Variants in NETO1 observed in about 807,000 individuals in gnomAD.
NETO1 encodes the protein neuropilin and tolloid like 1, also known as neuropilin and tolloid-like protein 1.
A neutral mutation model predicts 61.3 loss-of-function variants in NETO1; 26 were observed. That is an observed-to-expected ratio of 0.42 (90% CI 0.31 to 0.59). The LOEUF (loss-of-function observed/expected upper bound fraction) is 0.59. Among genes scored for constraint, NETO1 ranks in the 20% least tolerant of loss-of-function variants. NETO1 has a pLI of 0.12. For synonymous variants in NETO1, 225 were observed against 225.8 expected, an observed-to-expected ratio of 1.00 and a Z score of 0.03; for missense variants, 531 against 662.8, an observed-to-expected ratio of 0.80 and a Z score of 2.18.
intron 4 of NETO1, among the ~76,000 whole-genome samples, chr18:72,808,419 T>TGTGTGTG: frequency 7.0e-6 from 1 of 141,928 alleles, no homozygotes; most frequent in Non-Finnish European, 1.5e-5. Flanking sequence ...CACTGCAGAT[T>TGTGTGTG]TGTGTGTGTG....
chr18:72,816,051 A>C (rs1008290277), intron 4 of NETO1, among the ~76,000 whole-genome samples: 9 of 144,512 alleles, frequency 6.2e-5, no homozygotes, highest in African/African-American at 7.7e-5. Flanking sequence ...ATTAGGATCG[A>C]TCTCTCTCTC....
chr18:72,864,814 T>C lies in NETO1; in HGVS notation c.214A>G (p.Ile72Val), dbSNP rs746356104. ...TGGCACTGTCTCCCCTTACCTTCTA[T>C]GATGTAGATGCATTCCCGGTCAGGG... is the stretch of plus-strand genomic sequence containing the variant. ...YPPDRECIYI[I>V]EAAPRQCIEL... Residue 72 changes from isoleucine (I) to valine (V), a missense_variant, in exon 3 of 11, where the codon ATA (isoleucine) becomes GTA (valine). Physicochemically the swap from Ile to Val is conservative, Grantham distance 29 (BLOSUM62 3). Transcript: ENST00000327305. 2.5e-6 allele frequency: 4 copies of C among 1,613,658 alleles called. No individual in the cohort carries two copies. Among genetic ancestry groups the C allele is most frequent in the African/African-American group, 1.3e-5 (1 of 74,908 alleles).
intron 3 of NETO1, among the ~76,000 whole-genome samples, chr18:72,862,923 C>G (rs919217788): frequency 5.3e-5 from 8 of 152,052 alleles, no homozygotes; most frequent in African/African-American, 1.9e-4. Flanking sequence ...TCTGGCGATC[C>G]AGTTTCTTAA....
rs75710774 is a variant in NETO1, at chr18:72,830,760, T to C, written c.469+28066A>G. Among the ~76,000 whole-genome samples the C allele has an allele frequency of 0.016, 2,457 of 152,264 alleles. 54 individuals are homozygous for C. The highest frequency in any genetic ancestry group is 0.055 in the African/African-American group (2,266 of 41,546). On this transcript the variant is annotated intron_variant, in intron 4 of 10. Transcript: ENST00000327305. This position sits in a 1 kb window ranked among gnomAD's most constrained non-coding sequence, Gnocchi z 4.9. ...ACTTTGACTGCATTTTCCCTCAAAT[T>C]CACCATCTCCTCTTTCTTAATCCTT...
chr18:72,830,992 A>AG lies in NETO1; in HGVS notation c.469+27833dup. On this transcript the variant is annotated intron_variant, in intron 4 of 10. Transcript: ENST00000327305. This position sits in a 1 kb window ranked among gnomAD's most constrained non-coding sequence, Gnocchi z 4.9. ...GATGAGGTATACTATTACCTCATCAAGGTAACAGAATATGTCTCTTCCTCT... is the reference window on the plus strand; with the variant it reads ...GATGAGGTATACTATTACCTCATCAAGGGTAACAGAATATGTCTCTTCCTCT... 6.6e-6 allele frequency among the ~76,000 whole-genome samples: 1 copy of AG among 152,246 alleles called. No individual in the cohort carries two copies. Among genetic ancestry groups the AG allele is most frequent in the Non-Finnish European group, 1.5e-5 (1 of 68,024 alleles).
chr18:72,832,064 T>G (rs8090574), intron 4 of NETO1, among the ~76,000 whole-genome samples: 2,546 of 152,306 alleles, frequency 0.017, 67 homozygotes, highest in African/African-American at 0.059. Flanking sequence ...AAGTAGGATA[T>G]AAATAGTGTC....
At chr18:72,821,675 C>T (rs966367039) in intron 4 of NETO1, among the ~76,000 whole-genome samples, 8 of 151,576 alleles carry the variant, frequency 5.3e-5, no homozygotes, top group African/African-American at 1.9e-4. Context: ...CAAAACAATA[C>T]TCATTGCATA....
chr18:72,750,767 A>C, intron 8 of NETO1, 147 bp from the exon 9 acceptor site: 1 of 586,292 alleles, frequency 1.7e-6, no homozygotes, highest in African/African-American at 1.9e-5. Context: ...TAACTTAAGA[A>C]AATATTTAAA....
intron 4 of NETO1, among the ~76,000 whole-genome samples, chr18:72,806,976 G>A (rs2072694349): frequency 6.6e-6 from 1 of 152,162 alleles, no homozygotes; most frequent in Non-Finnish European, 1.5e-5. Context: ...AAACCAGAGT[G>A]TTTGTAGTTT....
intron 4 of NETO1, among the ~76,000 whole-genome samples, chr18:72,811,471 T>C (rs542310653): frequency 6.6e-6 from 1 of 152,182 alleles, no homozygotes; most frequent in Non-Finnish European, 1.5e-5. Flanking sequence ...ATGAGTGACA[T>C]TGCTACAAAT....
At chr18:72,831,113 C>T (rs552471725) in intron 4 of NETO1, among the ~76,000 whole-genome samples, 6 of 152,142 alleles carry the variant, frequency 3.9e-5, no homozygotes, top group Non-Finnish European at 5.9e-5. Flanking sequence ...CAAACAACAG[C>T]CCATCTATTC....
intron 4 of NETO1, among the ~76,000 whole-genome samples, chr18:72,814,236 G>C (rs976983818): frequency 6.6e-6 from 1 of 152,064 alleles, no homozygotes; most frequent in Admixed American, 6.6e-5. Flanking sequence ...AATAATAAGA[G>C]TAAGGCAAAA....
intron 4 of NETO1, among the ~76,000 whole-genome samples, chr18:72,799,886 A>ACT (rs1308381052): frequency 3.3e-5 from 5 of 152,268 alleles, no homozygotes; most frequent in African/African-American, 1.2e-4. Flanking sequence ...AAACTTGCTT[A>ACT]CTTGTGCGAC....
chr18:72,841,715 C>T (rs2073936390), intron 4 of NETO1, among the ~76,000 whole-genome samples: 1 of 104,364 alleles, frequency 9.6e-6, no homozygotes, highest in Admixed American at 1.6e-4. Flanking sequence ...GCCTGGGAGA[C>T]AGAGTGAGAC....
At chr18:72,805,487 T>C (rs1010016160) in intron 4 of NETO1, among the ~76,000 whole-genome samples, 1 of 152,224 alleles carries the variant, frequency 6.6e-6, no homozygotes, top group African/African-American at 2.4e-5. Context: ...GTACCAGATA[T>C]TATTTTAATT....
intron 4 of NETO1, among the ~76,000 whole-genome samples, chr18:72,854,692 G>A (rs1284538432): frequency 1.3e-5 from 2 of 152,158 alleles, no homozygotes; most frequent in Non-Finnish European, 2.9e-5. Context: ...CTTAGTTTGA[G>A]TAAAAAAGTC....
chr18:72,848,064 T>C (rs1487040400), intron 4 of NETO1, among the ~76,000 whole-genome samples: 1 of 152,196 alleles, frequency 6.6e-6, no homozygotes, highest in African/African-American at 2.4e-5. Flanking sequence ...CTGACACTTC[T>C]ACTTCCCTGT....
chr18:72,839,988 G>A (rs1266378250), intron 4 of NETO1, among the ~76,000 whole-genome samples: 2 of 152,164 alleles, frequency 1.3e-5, no homozygotes, highest in East Asian at 1.9e-4. Context: ...AGAACGCTGC[G>A]ATGCTGTTGG....
At position 72,867,960 on chromosome 18, in the gene NETO1, G is replaced by C. The variant is rs2074790609; in HGVS notation, c.-669C>G. 6.6e-6 allele frequency: 1 copy of C among 151,238 alleles called. No individual in the cohort carries two copies. The highest frequency in any genetic ancestry group is 1.5e-5 in the Non-Finnish European group (1 of 67,756). The allele number at this position is 151,238 out of a possible 1,614,324, so 9.4% of individuals were successfully genotyped here. On this transcript the variant is annotated 5_prime_UTR_variant, in exon 1 of 11. Coordinates refer to ENST00000327305, the MANE Select transcript of NETO1 (RefSeq NM_138966.5). The stretch of plus-strand genomic sequence containing the variant: ...GAAGGGGTCCGTCATCGGCTCGCCG[G>C]GCTGCGCGCCACCTCTGCTATCTTG...
Sources: allele counts gnomAD v4.1 joint callset (sites outside exome capture counted in the v4.1 genomes callset), GRCh38; gene constraint gnomAD v4.1.1; non-coding constraint Gnocchi (gnomAD v3.1); transcripts MANE v1.5; gene names NCBI Gene and HGNC (gene_info 2026-07-23, HGNC 2026-07-21).